CTNNA2: variants seen among roughly 807,000 people sequenced by gnomAD.
The protein encoded by CTNNA2 is catenin alpha-2.
In CTNNA2, 42 loss-of-function variants were observed where a neutral mutation model predicts 101.0. That is an observed-to-expected ratio of 0.42 (90% CI 0.32 to 0.54). CTNNA2 has a LOEUF of 0.54. Ranked by LOEUF, CTNNA2 falls within the 20% of genes least tolerant of loss-of-function variation. The probability of loss-of-function intolerance (pLI) is 0.14; values close to 1 mark genes in which losing one functional copy is unlikely to be tolerated. For missense variants in CTNNA2, 871 were observed against 1,223.1 expected (o/e 0.71, Z 4.29); for synonymous variants, 450 against 456.4 (o/e 0.99, Z 0.18).
rs1285208975 is a variant in CTNNA2, at chr2:80,302,575, G to T, written c.1057-90636G>T. On this transcript the variant is annotated intron_variant, in intron 7 of 18. Transcript: ENST00000402739. The surrounding 1 kb of genome is among the most constrained non-coding windows in gnomAD (Gnocchi z 6.4). ...GCACGGCGTTCTCGGCGTGCTCGCC[G>T]CCTGGAAGAGCCACGGTGGCAGGCT... 2 of 1,607,150 alleles carry T rather than the reference G, an allele frequency of 1.2e-6. No individual in the cohort carries two copies. The highest frequency in any genetic ancestry group is 2.2e-5 in the East Asian group (1 of 44,838).
intron 2 of CTNNA2, among the ~76,000 whole-genome samples, chr2:79,673,794 T>C (rs1412925997): frequency 3.3e-5 from 5 of 152,200 alleles, no homozygotes; most frequent in Non-Finnish European, 7.3e-5. Context: ...TGACTTTCCT[T>C]CTTTAATGTC....
chr2:80,501,279 T>A (rs2196152), intron 9 of CTNNA2, among the ~76,000 whole-genome samples: 45,828 of 152,170 alleles, frequency 0.3, 7,153 homozygotes, highest in South Asian at 0.38. Context: ...GAGAATAACT[T>A]GAGCCTGCAC....
intron 2 of CTNNA2, among the ~76,000 whole-genome samples, chr2:79,281,263 G>T (rs186919132): frequency 2.0e-3 from 298 of 152,182 alleles, no homozygotes; most frequent in Non-Finnish European, 3.1e-3. Context: ...CTGGAAATCT[G>T]CATCTTGATC....
intron 4 of CTNNA2, among the ~76,000 whole-genome samples, chr2:79,430,230 G>T (rs934232216): frequency 1.3e-5 from 2 of 152,094 alleles, no homozygotes; most frequent in Non-Finnish European, 2.9e-5. Context: ...ATTCAGGCAG[G>T]TTGTCCAAAT....
chr2:80,612,761 C>T (rs1282990254), intron 17 of CTNNA2, among the ~76,000 whole-genome samples: 1 of 151,198 alleles, frequency 6.6e-6, no homozygotes, highest in Admixed American at 6.6e-5. Flanking sequence ...ATTTTTATAT[C>T]TTCTATTTTG....
intron 3 of CTNNA2, among the ~76,000 whole-genome samples, chr2:79,826,515 C>T (rs764225505): frequency 1.2e-4 from 18 of 152,196 alleles, no homozygotes; most frequent in Non-Finnish European, 8.8e-5. Flanking sequence ...TAACCAAGTA[C>T]GCATGGCCTC....
rs1301364303 is a variant in CTNNA2, at chr2:79,214,040, G to A, written c.-406+15964G>A. ...TAAGAATTCTGACCGCACTAACTAT[G>A]CCTAGGAAGGAAAGGAGTTGTTGTT... On this transcript the variant is annotated intron_variant, in intron 2 of 21. Transcript: ENST00000466387. 3.3e-5 allele frequency among the ~76,000 whole-genome samples: 5 copies of A among 152,194 alleles called. No individual in the cohort carries two copies. In the South Asian group the frequency reaches 6.2e-4, roughly 19 times the overall value.
chr2:80,148,031 C>A (rs926489575), intron 7 of CTNNA2, among the ~76,000 whole-genome samples: 22 of 152,118 alleles, frequency 1.4e-4, no homozygotes, highest in African/African-American at 5.1e-4. Flanking sequence ...TTTTTAATGT[C>A]ATTTTTTTAG....
At chr2:79,558,102 A>T (rs1674554470) in intron 1 of CTNNA2, among the ~76,000 whole-genome samples, 1 of 151,966 alleles carries the variant, frequency 6.6e-6, no homozygotes, top group South Asian at 2.1e-4. Context: ...CTAGTTCTGC[A>T]TAAATTTTTC....
chr2:79,236,894 C>T (rs901490097), intron 2 of CTNNA2, among the ~76,000 whole-genome samples: 4 of 152,180 alleles, frequency 2.6e-5, no homozygotes, highest in Non-Finnish European at 5.9e-5. Context: ...TCAGCTTCTT[C>T]CACTACTGAA....
At chr2:80,364,543 T>A (rs913575425) in intron 7 of CTNNA2, among the ~76,000 whole-genome samples, 1 of 149,318 alleles carries the variant, frequency 6.7e-6, no homozygotes, top group Non-Finnish European at 1.5e-5. Flanking sequence ...GTATTATAAT[T>A]TGAGAGAAAG....
At chr2:79,892,260 C>T (rs1409305821) in intron 6 of CTNNA2, among the ~76,000 whole-genome samples, 2 of 151,904 alleles carry the variant, frequency 1.3e-5, no homozygotes, top group Non-Finnish European at 2.9e-5. Flanking sequence ...GCTAGTTTTG[C>T]CTAGTTTAAG....
chr2:80,273,265 G>A (rs926172809), intron 7 of CTNNA2, among the ~76,000 whole-genome samples: 8 of 152,074 alleles, frequency 5.3e-5, no homozygotes, highest in Admixed American at 2.0e-4. Flanking sequence ...TCATGGAATC[G>A]ATTTTTCTTA....
At chr2:79,239,201 C>G (rs1292421427) in intron 2 of CTNNA2, among the ~76,000 whole-genome samples, 1 of 152,084 alleles carries the variant, frequency 6.6e-6, no homozygotes, top group Non-Finnish European at 1.5e-5. Flanking sequence ...ATCATGCTAC[C>G]AGACTTCAGA....
chr2:79,840,892 C>G (rs1017123754), intron 3 of CTNNA2, among the ~76,000 whole-genome samples: 1 of 152,138 alleles, frequency 6.6e-6, no homozygotes, highest in African/African-American at 2.4e-5. Flanking sequence ...GCCTCAGCCT[C>G]CCGAGTAGCT....
intron 9 of CTNNA2, among the ~76,000 whole-genome samples, chr2:80,502,709 C>T (rs1292205871): frequency 6.6e-6 from 1 of 152,180 alleles, no homozygotes; most frequent in African/African-American, 2.4e-5. Flanking sequence ...ATCTCTCAGC[C>T]AAAACCCTCC....
intron 15 of CTNNA2, 108 bp downstream of exon 15, chr2:80,589,593 AGGT>A (rs1696259549): frequency 2.0e-6 from 2 of 988,438 alleles, no homozygotes; most frequent in Admixed American, 2.8e-5. Context: ...TACCAACGCA[AGGT>A]GGTGGTATTA....
intron 7 of CTNNA2, among the ~76,000 whole-genome samples, chr2:80,199,241 G>A (rs1369165836): frequency 6.9e-6 from 1 of 145,368 alleles, no homozygotes; most frequent in Non-Finnish European, 1.5e-5. Context: ...TAGGAACAGT[G>A]CTAAACTCTT....
chr2:80,225,183 C>T (rs972150422), intron 7 of CTNNA2, among the ~76,000 whole-genome samples: 1 of 152,170 alleles, frequency 6.6e-6, no homozygotes, highest in Non-Finnish European at 1.5e-5. Flanking sequence ...AACCATCCAG[C>T]AGGTTCACTC....
Sources: gnomAD v4.1 joint callset for allele counts (sites outside exome capture counted in the v4.1 genomes callset) on GRCh38, gnomAD v4.1.1 for gene constraint, Gnocchi (gnomAD v3.1) non-coding constraint, MANE v1.5 for transcripts, NCBI Gene and HGNC (gene_info 2026-07-23, HGNC 2026-07-21) for gene names.